Variants in CTTNBP2 observed in about 807,000 individuals in gnomAD.
CTTNBP2 encodes the protein cortactin binding protein 2.
In CTTNBP2, 108 loss-of-function variants were observed where a neutral mutation model predicts 156.9. The ratio of observed to expected loss-of-function variants is 0.69; its 90% CI spans 0.59 to 0.81. CTTNBP2 has a LOEUF of 0.81. Ranked by LOEUF, CTTNBP2 falls within the 30% of genes least tolerant of loss-of-function variation. The pLI, the probability that CTTNBP2 is intolerant of heterozygous loss-of-function variation, is 0.00. For synonymous variants in CTTNBP2, 767 were observed against 751.8 expected, an observed-to-expected ratio of 1.02 and a Z score of -0.33; for missense variants, 1,924 against 2,035.4, an observed-to-expected ratio of 0.95 and a Z score of 1.05.
intron 3 of CTTNBP2, among the ~76,000 whole-genome samples, chr7:117,805,340 C>A (rs2116936093): frequency 6.6e-6 from 1 of 152,244 alleles, no homozygotes; most frequent in South Asian, 2.1e-4. Flanking sequence ...TATAGGAAGC[C>A]TGAGAAGCAG....
intron 1 of CTTNBP2, among the ~76,000 whole-genome samples, chr7:117,872,919 G>A (rs1440163550): frequency 2.0e-5 from 3 of 152,122 alleles, no homozygotes; most frequent in South Asian, 2.1e-4. Context: ...AGGCACCCCC[G>A]AGACACGCGC....
At chr7:117,747,813 G>T (rs974579644) in intron 12 of CTTNBP2, among the ~76,000 whole-genome samples, 1 of 152,098 alleles carries the variant, frequency 6.6e-6, no homozygotes, top group Admixed American at 6.6e-5. Flanking sequence ...GGCCTCTAAG[G>T]AGACTAAGGA....
Position 117,791,956 on chromosome 7 carries a change from C to T in CTTNBP2, c.1240G>A (p.Gly414Ser), listed in dbSNP as rs1799050854. 1 of 1,614,032 alleles carries T rather than the reference C, an allele frequency of 6.2e-7. No individual in the cohort carries two copies. The highest frequency in any genetic ancestry group is 1.3e-5 in the African/African-American group (1 of 75,000). Reference sequence around the variant, plus strand: ...GCTTGCGAGTTCTGAGGAGCTATGCCTGGTGTTTGAGCGGTGGGAGGGGCA... The same window carrying T: ...GCTTGCGAGTTCTGAGGAGCTATGCTTGGTGTTTGAGCGGTGGGAGGGGCA... The part of the protein sequence containing the change: ...NAAPPTAQTP[G>S]IAPQNSQAPP... The change falls in exon 4 of 23, where the codon GGC becomes AGC. Residue 414 changes from glycine (G) to serine (S), a missense_variant. By Grantham distance (56) the Gly-to-Ser change is moderately conservative. Transcript: ENST00000160373.
rs547968863 is a variant in CTTNBP2 at position 117,718,101 on chromosome 7, C to A, written c.4663G>T (p.Asp1555Tyr). 25 of 1,611,894 alleles carry A rather than the reference C, an allele frequency of 1.6e-5. No individual in the cohort carries two copies. The East Asian group carries it at 5.6e-4, about 36-fold the overall frequency. Residue 1555 changes from aspartate (D) to tyrosine (Y), a missense_variant, in exon 22 of 23, where the codon GAT becomes TAT. Physicochemically the swap from Asp to Tyr is radical, Grantham distance 160. Coordinates refer to ENST00000160373, the MANE Select transcript of CTTNBP2 (RefSeq NM_033427.3). ...DISKIADSRD[D>Y]LRMFDSSGNN... ...CCAGAACTATCAAACATCCTTAAAT[C>A]ATCCCTGGAATCAGCAATCTAGAAA...
intron 5 of CTTNBP2, 133 bp from the exon 6 acceptor site, chr7:117,783,094 T>C: frequency 1.7e-6 from 1 of 599,360 alleles, no homozygotes; most frequent in Non-Finnish European, 2.9e-6. Flanking sequence ...AATTCCATCA[T>C]GGCAGACCTG....
intron 14 of CTTNBP2, among the ~76,000 whole-genome samples, 183 bp from the exon 15 acceptor site, chr7:117,735,604 A>T (rs1795644243): frequency 6.6e-6 from 1 of 152,202 alleles, no homozygotes; most frequent in Non-Finnish European, 1.5e-5. Context: ...ATAAGTTTGA[A>T]CACACTCAAA....
chr7:117,761,744 A>C lies in CTTNBP2; in HGVS notation c.2897-1034T>G, dbSNP rs147423792. 4.6e-3 allele frequency among the ~76,000 whole-genome samples: 698 copies of C among 152,336 alleles called. 3 individuals are homozygous for C. Among genetic ancestry groups the C allele is most frequent in the Non-Finnish European group, 7.5e-3 (508 of 68,026 alleles). On this transcript the variant is annotated intron_variant, in intron 9 of 22. Coordinates refer to ENST00000160373, the MANE Select transcript of CTTNBP2 (RefSeq NM_033427.3). ...AAACATTAGAAATCATAGATGATGC[A>C]TCAAAGGTATGTTTTTTTCAAACAA...
chr7:117,716,941 T>C (rs879706756), intron 22 of CTTNBP2, among the ~76,000 whole-genome samples: 4 of 152,258 alleles, frequency 2.6e-5, no homozygotes, highest in Non-Finnish European at 5.9e-5. Context: ...TTTATAATCC[T>C]GCTCTCTGCG....
intron 8 of CTTNBP2, among the ~76,000 whole-genome samples, chr7:117,773,737 TAGAA>T (rs1226343282): frequency 8.2e-6 from 1 of 121,502 alleles, no homozygotes; most frequent in African/African-American, 3.1e-5. Flanking sequence ...GAAAAACAAA[TAGAA>T]AGCCTGGTCA....
intron 8 of CTTNBP2, among the ~76,000 whole-genome samples, chr7:117,768,091 GCACACACACA>G (rs34630353): frequency 6.7e-6 from 1 of 148,466 alleles, no homozygotes; most frequent in African/African-American, 2.5e-5. Flanking sequence ...TCCTGTAAAT[GCACACACACA>G]CACACACACA....
rs757322181 is a variant in CTTNBP2, at chr7:117,792,025, T to C, written c.1171A>G (p.Thr391Ala). ...IEENGPSTGS[T>A]PDPTSSTPPL... ...GGTGTGCTACTGGTTGGATCTGGTG[T>C]TGAGCCAGTGCTTGGTCCATTTTCC... The change falls in exon 4 of 23, where the codon ACA (threonine) becomes GCA (alanine). Residue 391 changes from threonine to alanine, a missense_variant. Transcript: ENST00000160373. The surrounding 1 kb of genome is among the most constrained non-coding windows in gnomAD (Gnocchi z 4.2). The C allele has an allele frequency of 1.2e-6, 2 of 1,614,110 alleles. No individual in the cohort carries two copies. The highest frequency in any genetic ancestry group is 1.7e-5 in the Admixed American group (1 of 60,012).
rs913897243 is a variant in CTTNBP2, at chr7:117,711,031, G to A, written c.*506C>T. On this transcript the variant is annotated 3_prime_UTR_variant, in exon 23 of 23. Transcript: ENST00000160373. ...ATATGGCTTTTAATGGAAAATAACT[G>A]TTTAGAAATGATTTGTTATTGCCCC... The A allele has an allele frequency of 2.6e-5, 4 of 152,658 alleles. No individual in the cohort carries two copies. The highest frequency in any genetic ancestry group is 9.7e-5 in the African/African-American group (4 of 41,414). 9.5% of individuals were successfully genotyped at this position (152,658 alleles called of 1,614,324 possible).
At chr7:117,765,871 A>C (rs942273382) in intron 9 of CTTNBP2, among the ~76,000 whole-genome samples, 1 of 152,172 alleles carries the variant, frequency 6.6e-6, no homozygotes, top group African/African-American at 2.4e-5. Context: ...TGCCAATGTA[A>C]GGTCAAAACT....
At position 117,827,095 on chromosome 7, in the gene CTTNBP2, T is replaced by C. The variant is rs148040882; in HGVS notation, c.190-16106A>G. ...GCTGGTCTCAAACTCCTGGCCTTAA[T>C]TGATCTGCCTGCCTCAGCCTCCCAA... On this transcript the variant is annotated intron_variant, in intron 2 of 22. Coordinates refer to ENST00000160373, the MANE Select transcript of CTTNBP2 (RefSeq NM_033427.3). Among the ~76,000 whole-genome samples, 543 of 152,210 alleles carry C rather than the reference T, an allele frequency of 3.6e-3. 4 individuals carry two copies. Among genetic ancestry groups the C allele is most frequent in the Non-Finnish European group, 5.8e-3 (397 of 68,008 alleles).
Position 117,861,236 on chromosome 7 carries a change from G to C in CTTNBP2, c.162C>G (p.Ala54=). ...GCAGGGCCTCGATGACAAGGTCTCT[G>C]GCCTCCAGCTCCCCTTCCATCACGC... The part of the protein sequence containing the change: ...LLSVMEGELE[A]RDLVIEALRA... Residue 54 remains alanine, a synonymous_variant, in exon 2 of 23, where the codon GCC becomes GCG. Transcript: ENST00000160373. 4 of 1,613,304 alleles carry C rather than the reference G, an allele frequency of 2.5e-6. No individual in the cohort carries two copies. Among genetic ancestry groups the C allele is most frequent in the South Asian group, 2.2e-5 (2 of 90,878 alleles).
intron 16 of CTTNBP2, among the ~76,000 whole-genome samples, chr7:117,732,388 C>T (rs967101522): frequency 9.2e-5 from 14 of 152,054 alleles, no homozygotes; most frequent in African/African-American, 3.4e-4. Context: ...TGGTGGCTCA[C>T]GCCTTTAATC....
intron 7 of CTTNBP2, among the ~76,000 whole-genome samples, chr7:117,780,225 C>G (rs1798342037): frequency 6.6e-6 from 1 of 152,194 alleles, no homozygotes; most frequent in Admixed American, 6.5e-5. Flanking sequence ...ACAGATTAAT[C>G]TGAGGCTCAG....
intron 20 of CTTNBP2, among the ~76,000 whole-genome samples, chr7:117,720,055 C>G (rs1480372740): frequency 1.3e-5 from 2 of 152,292 alleles, no homozygotes; most frequent in Non-Finnish European, 1.5e-5. Flanking sequence ...TCCTGGGTTC[C>G]CTTTTCTGTA....
intron 2 of CTTNBP2, among the ~76,000 whole-genome samples, chr7:117,835,999 C>A (rs1296810678): frequency 1.3e-5 from 2 of 152,112 alleles, no homozygotes; most frequent in Non-Finnish European, 2.9e-5. Flanking sequence ...ACAGCACAGG[C>A]CATGTTGCCT....
Sources: gnomAD v4.1 joint callset for allele counts (sites outside exome capture counted in the v4.1 genomes callset) on GRCh38, gnomAD v4.1.1 for gene constraint, Gnocchi (gnomAD v3.1) non-coding constraint, MANE v1.5 for transcripts, NCBI Gene and HGNC (gene_info 2026-07-23, HGNC 2026-07-21) for gene names.